The following MGAT4C variants were observed in gnomAD, a reference collection of about 807,000 sequenced individuals.
MGAT4C encodes alpha-1,3-mannosyl-glycoprotein 4-beta-N-acetylglucosaminyltransferase C.
MGAT4C carries 19 observed loss-of-function variants against 40.1 expected under a neutral mutation model. The observed-to-expected ratio is 0.47, with a 90% CI of 0.33 to 0.70. The LOEUF (loss-of-function observed/expected upper bound fraction) is 0.70, where lower values mean the gene tolerates loss of function less well. MGAT4C is among the 30% of genes least tolerant of loss of function. MGAT4C has a pLI of 0.02. For missense variants in MGAT4C, 491 were observed against 563.2 expected (o/e 0.87, Z 1.30); for synonymous variants, 181 against 187.1 (o/e 0.97, Z 0.27).
chr12:85,985,747 G>A (rs922843092), intron 3 of MGAT4C, among the ~76,000 whole-genome samples: 5 of 152,036 alleles, frequency 3.3e-5, no homozygotes, highest in Non-Finnish European at 7.4e-5. Flanking sequence ...GTGTTTACCT[G>A]CATACCTATA....
chr12:86,671,061 G>T (rs1964244646), intron 2 of MGAT4C, among the ~76,000 whole-genome samples: 1 of 152,104 alleles, frequency 6.6e-6, no homozygotes, highest in Non-Finnish European at 1.5e-5. Flanking sequence ...ATTCTCAATT[G>T]CTGAAAATGT....
intron 1 of MGAT4C, among the ~76,000 whole-genome samples, chr12:86,837,840 C>A (rs904103260): frequency 6.6e-6 from 1 of 152,242 alleles, no homozygotes; most frequent in East Asian, 1.9e-4. Context: ...GAAACAGACA[C>A]GGAAGTCACC....
chr12:86,693,291 G>T (rs1266451810), intron 2 of MGAT4C, among the ~76,000 whole-genome samples: 1 of 152,126 alleles, frequency 6.6e-6, no homozygotes, highest in Non-Finnish European at 1.5e-5. Context: ...TTCATTCATT[G>T]ACCAGTAACT....
At chr12:86,427,473 A>C (rs1041668891) in intron 3 of MGAT4C, among the ~76,000 whole-genome samples, 2 of 152,064 alleles carry the variant, frequency 1.3e-5, no homozygotes, top group African/African-American at 2.4e-5. Context: ...AATTTTGTTT[A>C]AATTATAGAA....
chr12:86,207,697 C>T (rs908953250), intron 1 of MGAT4C, among the ~76,000 whole-genome samples: 1 of 152,054 alleles, frequency 6.6e-6, no homozygotes, highest in African/African-American at 2.4e-5. Flanking sequence ...CCCAGTCCTG[C>T]AATAACTTAT....
At chr12:86,613,742 T>C (rs555560217) in intron 2 of MGAT4C, among the ~76,000 whole-genome samples, 2 of 152,296 alleles carry the variant, frequency 1.3e-5, no homozygotes, top group African/African-American at 4.8e-5. Flanking sequence ...AAAAATTATA[T>C]ATTTTAGGTT....
rs184357859 is a variant in MGAT4C, at chr12:86,509,477, T to A, written c.-228-74212A>T. Among the ~76,000 whole-genome samples the A allele has an allele frequency of 4.1e-3, 632 of 152,322 alleles. 3 individuals are homozygous for A. Among genetic ancestry groups the A allele is most frequent in the Non-Finnish European group, 7.2e-3 (492 of 68,030 alleles). On this transcript the variant is annotated intron_variant, in intron 2 of 7. Coordinates refer to the MGAT4C transcript ENST00000548651. Reference sequence around the variant, plus strand: ...TACTTACTGTAACCTTGTAGTATAGTTTGAAGTCAGGTAGCGTGATGCCTC... The same window carrying A: ...TACTTACTGTAACCTTGTAGTATAGATTGAAGTCAGGTAGCGTGATGCCTC...
chr12:86,419,109 G>GA (rs1464096637), intron 3 of MGAT4C, among the ~76,000 whole-genome samples: 1 of 151,692 alleles, frequency 6.6e-6, no homozygotes, highest in African/African-American at 2.4e-5. Context: ...ATTCATGAGG[G>GA]AAAAAATATA....
At chr12:86,170,327 A>G (rs899995759) in intron 1 of MGAT4C, among the ~76,000 whole-genome samples, 2 of 152,196 alleles carry the variant, frequency 1.3e-5, no homozygotes, top group Admixed American at 1.3e-4. Flanking sequence ...ACCTCCTAGG[A>G]TCATGTCATT....
intron 4 of MGAT4C, 143 bp from the exon 5 acceptor site, chr12:85,980,573 G>A: frequency 1.5e-6 from 1 of 670,690 alleles, no homozygotes; most frequent in East Asian, 2.8e-5. Flanking sequence ...AACATTTTAT[G>A]ATTAAAGTAA....
intron 2 of MGAT4C, among the ~76,000 whole-genome samples, chr12:86,556,434 A>G (rs1959613608): frequency 6.6e-6 from 1 of 152,162 alleles, no homozygotes; most frequent in Admixed American, 6.5e-5. Flanking sequence ...CTGATCTTTT[A>G]CATTTTTGCT....
At chr12:86,679,398 T>C (rs1007982992) in intron 2 of MGAT4C, among the ~76,000 whole-genome samples, 1 of 152,116 alleles carries the variant, frequency 6.6e-6, no homozygotes, top group Non-Finnish European at 1.5e-5. Flanking sequence ...CAAAATCCTA[T>C]AGTGGTTTTC....
chr12:86,489,053 G>A (rs540461187), intron 2 of MGAT4C, among the ~76,000 whole-genome samples: 8 of 152,100 alleles, frequency 5.3e-5, no homozygotes, highest in Admixed American at 1.3e-4. Context: ...TTTGCCAGTC[G>A]AATGTTGCCT....
intron 4 of MGAT4C, among the ~76,000 whole-genome samples, chr12:86,292,237 T>C (rs190767463): frequency 6.6e-6 from 1 of 151,930 alleles, no homozygotes; most frequent in Admixed American, 6.6e-5. Context: ...TAAATACATT[T>C]TAGCAAAAAT....
At chr12:86,265,915 T>A (rs1952773151) in intron 4 of MGAT4C, among the ~76,000 whole-genome samples, 1 of 152,214 alleles carries the variant, frequency 6.6e-6, no homozygotes, top group Non-Finnish European at 1.5e-5. Flanking sequence ...TAAATGAGAT[T>A]ACCTTCTTGA....
chr12:86,789,732 G>A (rs537408298), intron 1 of MGAT4C, among the ~76,000 whole-genome samples: 54 of 152,232 alleles, frequency 3.5e-4, no homozygotes, highest in African/African-American at 1.2e-3. Flanking sequence ...TGTGTGCATA[G>A]TAGTAATAAA....
At chr12:86,774,321 T>TTC (rs1555227783) in intron 1 of MGAT4C, among the ~76,000 whole-genome samples, 1 of 96,642 alleles carries the variant, frequency 1.0e-5, no homozygotes, top group Non-Finnish European at 2.2e-5. Flanking sequence ...CTTTCTTTCT[T>TTC]TCTTTCTTTC....
chr12:86,037,385 GT>G (rs1891340965), intron 2 of MGAT4C, among the ~76,000 whole-genome samples: 1 of 149,946 alleles, frequency 6.7e-6, no homozygotes, highest in South Asian at 2.1e-4. Flanking sequence ...TGATGTTAGG[GT>G]GTCAATTTTA....
At chr12:86,278,027 T>A (rs1160984156) in intron 4 of MGAT4C, among the ~76,000 whole-genome samples, 1 of 152,164 alleles carries the variant, frequency 6.6e-6, no homozygotes, top group African/African-American at 2.4e-5. Context: ...CCAGGGAACA[T>A]GAAATATATT....
Sources: gnomAD v4.1 joint callset for allele counts (sites outside exome capture counted in the v4.1 genomes callset) on GRCh38, gnomAD v4.1.1 for gene constraint, MANE v1.5 for transcripts, NCBI Gene and HGNC (gene_info 2026-07-23, HGNC 2026-07-21) for gene names.